Variants in PUSL1 observed in about 807,000 individuals in gnomAD.
The protein encoded by PUSL1 is pseudouridine synthase like 1, also known as tRNA pseudouridine synthase-like 1.
In PUSL1, 51 loss-of-function variants were observed where a neutral mutation model predicts 30.7. That is an observed-to-expected ratio of 1.66 (90% confidence interval 1.33 to 2.10). PUSL1 has a LOEUF of 2.10. PUSL1 is among the 30% of genes most tolerant of loss of function. PUSL1 has a pLI of 0.00. For missense variants in PUSL1, 609 were observed against 427.6 expected (o/e 1.42, Z -3.74); for synonymous variants, 290 against 192.1 (o/e 1.51, Z -4.21).
In PUSL1 at chr1:1,311,669, C is replaced by A; in HGVS notation, c.*290C>A. The A allele has an allele frequency of 1.4e-6, 1 of 719,882 alleles. No individual in the cohort carries two copies. The allele number at this position is 719,882 out of a possible 1,614,324, so 44.6% of individuals were successfully genotyped here. A position where few individuals can be genotyped will look rare whatever the true frequency, so the allele number is the denominator to read the frequency against. On this transcript the variant is annotated 3_prime_UTR_variant, in exon 8 of 8. Coordinates refer to ENST00000379031, the MANE Select transcript of PUSL1 (RefSeq NM_153339.3). ...GCCCTAACCAGGAATAAAGGCAAGA[C>A]AGCCTGGAGACCAGTTTGTTTCTTC...
Position 1,308,977 on chromosome 1 carries a change from G to T in PUSL1, c.135+5G>T, listed in dbSNP as rs1641927016. On this transcript the variant is annotated splice_donor_5th_base_variant and intron_variant, in intron 2 of 7. Coordinates refer to ENST00000379031, the MANE Select transcript of PUSL1 (RefSeq NM_153339.3). Reference sequence around the variant, plus strand: ...GGGGTCCAGAACTACCTGGAGGTGCGCTCAGCCGGTCACGGGACGCCCGGT... The same window carrying T: ...GGGGTCCAGAACTACCTGGAGGTGCTCTCAGCCGGTCACGGGACGCCCGGT... 7.1e-7 allele frequency: 1 copy of T among 1,411,168 alleles called. No individual in the cohort carries two copies. Among genetic ancestry groups the T allele is most frequent in the Non-Finnish European group, 9.2e-7 (1 of 1,086,640 alleles). The allele number at this position is 1,411,168 out of a possible 1,614,324, so 87.4% of individuals were successfully genotyped here. A position where few individuals can be genotyped will look rare whatever the true frequency, so the allele number is the denominator to read the frequency against.
In PUSL1 at chr1:1,309,474, T is replaced by C; in HGVS notation, c.344T>C (p.Val115Ala). 6.2e-7 allele frequency: 1 copy of C among 1,605,554 alleles called. No homozygotes were observed. The highest frequency in any genetic ancestry group is 8.5e-7 in the Non-Finnish European group (1 of 1,176,642). ...PAIRVLRAFR[V>A]PSDFHARHAA... ...CATAGGGTCCTGCGGGCCTTCCGAG[T>C]GCCCAGCGACTTCCACGCTCGTCAC... The change falls in exon 4 of 8, where the codon GTG (valine) becomes GCG (alanine). Residue 115 changes from valine to alanine, a missense_variant. Coordinates refer to ENST00000379031, the MANE Select transcript of PUSL1 (RefSeq NM_153339.3).
At chr1:1,311,308 G>C (rs761181847) in intron 7 of PUSL1, 22 bp from the exon 8 acceptor site, 1 of 1,535,260 alleles carries the variant, frequency 6.5e-7, no homozygotes, top group Admixed American at 1.9e-5. Flanking sequence ...CCAGGCTGAC[G>C]CAGGGTCTGG....
Position 1,311,341 on chromosome 1 carries a change from T to A in PUSL1, c.874T>A (p.Cys292Ser). The change falls in exon 8 of 8, where the codon TGC becomes AGC. Residue 292 changes from cysteine (C) to serine (S), a missense_variant. Cys to Ser is a moderately radical substitution (Grantham distance 112, BLOSUM62 -1). Transcript: ENST00000379031. ...VLYGNLGAAS[C>S]TLQGPQFGSH... ...TGGTCCGTCCACAGGTGCTGCCTCC[T>A]GCACCCTGCAGGGGCCACAGTTCGG... The A allele has an allele frequency of 6.3e-7, 1 of 1,587,540 alleles. No individual in the cohort carries two copies. The highest frequency in any genetic ancestry group is 1.1e-5 in the South Asian group (1 of 88,162).
At position 1,309,645 on chromosome 1, in the gene PUSL1, G is replaced by A. The variant is rs760957291; in HGVS notation, c.474-36G>A. On this transcript the variant is annotated intron_variant, in intron 4 of 7. Coordinates refer to ENST00000379031, the MANE Select transcript of PUSL1 (RefSeq NM_153339.3). ...CAGCGGGGAGGGGGCGGGCAGGCCG[G>A]CCCCACCCTCCTGACGGTCACCCTG... The A allele has an allele frequency of 3.1e-6, 5 of 1,596,628 alleles. No homozygotes were observed. In the South Asian group the frequency reaches 3.3e-5, roughly 11 times the overall value.
rs756473143 is a variant in PUSL1 at position 1,309,602 on chromosome 1, G to T, written c.472G>T (p.Asp158Tyr). ...ERNLCWTLPA[D>Y]CLDMVAMQEA... Reference sequence around the variant, plus strand: ...CAACCTATGCTGGACTCTCCCGGCAGAGTGAGTGTGGCCCTGACAGCGGGG... The same window carrying T: ...CAACCTATGCTGGACTCTCCCGGCATAGTGAGTGTGGCCCTGACAGCGGGG... Residue 158 changes from aspartate to tyrosine, a missense_variant and splice_region_variant, in exon 4 of 8, where the codon GAC becomes TAC. By Grantham distance (160) the Asp-to-Tyr change is radical. Coordinates refer to ENST00000379031, the MANE Select transcript of PUSL1 (RefSeq NM_153339.3). The T allele has an allele frequency of 1.9e-5, 30 of 1,609,206 alleles. No individual in the cohort carries two copies. The highest frequency in any genetic ancestry group is 6.7e-5 in the Admixed American group (4 of 59,914).
chr1:1,311,517 C>G lies in PUSL1; in HGVS notation c.*138C>G, dbSNP rs1027429064. 1.1e-6 allele frequency: 1 copy of G among 902,160 alleles called. No individual in the cohort carries two copies. The highest frequency in any genetic ancestry group is 1.8e-6 in the Non-Finnish European group (1 of 566,946). 55.9% of individuals were successfully genotyped at this position (902,160 alleles called of 1,614,324 possible). ...AGCCTCCCTGCCCGGGTCCCAGCAC[C>G]CTGGATGCCCGTCTCTGTCCCAGGC... On this transcript the variant is annotated 3_prime_UTR_variant, in exon 8 of 8. Transcript: ENST00000379031.
chr1:1,311,144 G>T, intron 7 of PUSL1, 73 bp downstream of exon 7: 1 of 1,529,506 alleles, frequency 6.5e-7, no homozygotes, highest in Non-Finnish European at 8.8e-7. Context: ...GGGGTGGGGG[G>T]CCAGGGGCCA....
At chr1:1,309,334 G>T in intron 3 of PUSL1, 61 bp downstream of exon 3, 3 of 1,447,310 alleles carry the variant, frequency 2.1e-6, no homozygotes, top group Non-Finnish European at 2.8e-6. Context: ...TGTCGCGGGC[G>T]GAGGCTGGAG....
chr1:1,311,677 A>T lies in PUSL1; in HGVS notation c.*298A>T. The T allele has an allele frequency of 4.2e-6, 3 of 722,012 alleles. No homozygotes were observed. The highest frequency in any genetic ancestry group is 7.3e-6 in the Non-Finnish European group (3 of 412,442). 44.7% of individuals were successfully genotyped at this position (722,012 alleles called of 1,614,324 possible). ...CAGGAATAAAGGCAAGACAGCCTGG[A>T]GACCAGTTTGTTTCTTCAGCTGCAA... On this transcript the variant is annotated 3_prime_UTR_variant, in exon 8 of 8. Coordinates refer to ENST00000379031, the MANE Select transcript of PUSL1 (RefSeq NM_153339.3).
At chr1:1,310,720 G>A (rs1468060731) in intron 6 of PUSL1, 32 bp downstream of exon 6, 6 of 1,610,120 alleles carry the variant, frequency 3.7e-6, no homozygotes, top group Non-Finnish European at 5.1e-6. Flanking sequence ...TCCCCAGGGG[G>A]TGGGGCTGAG....
Position 1,308,989 on chromosome 1 carries a change from A to G in PUSL1, c.135+17A>G, listed in dbSNP as rs772784356. On this transcript the variant is annotated intron_variant, in intron 2 of 7. Transcript: ENST00000379031. Reference sequence around the variant, plus strand: ...TACCTGGAGGTGCGCTCAGCCGGTCACGGGACGCCCGGTGAGGGGTAAGGG... The same window carrying G: ...TACCTGGAGGTGCGCTCAGCCGGTCGCGGGACGCCCGGTGAGGGGTAAGGG... The G allele has an allele frequency of 1.4e-6, 2 of 1,403,518 alleles. No homozygotes were observed. Among genetic ancestry groups the G allele is most frequent in the Middle Eastern group, 2.6e-4 (1 of 3,860 alleles). The allele number at this position is 1,403,518 out of a possible 1,614,324, so 86.9% of individuals were successfully genotyped here.
At position 1,311,603 on chromosome 1, in the gene PUSL1, TTTG is replaced by T. The variant is rs1415753595; in HGVS notation, c.*227_*229del. Reference sequence around the variant, plus strand: ...CCAAGAAGAGAGTACCAAGTAGTCTTTTGTTCAGCTTTTACTGGAAACTGCTGT... The same window carrying T: ...CCAAGAAGAGAGTACCAAGTAGTCTTTTCAGCTTTTACTGGAAACTGCTGT... On this transcript the variant is annotated 3_prime_UTR_variant, in exon 8 of 8. Transcript: ENST00000379031. The T allele has an allele frequency of 2.8e-6, 2 of 715,664 alleles. No individual in the cohort carries two copies. Among genetic ancestry groups the T allele is most frequent in the African/African-American group, 3.5e-5 (2 of 57,436 alleles). 44.3% of individuals were successfully genotyped at this position (715,664 alleles called of 1,614,324 possible).
chr1:1,309,317 C>G (rs763910809), intron 3 of PUSL1, 44 bp downstream of exon 3: 3 of 1,450,002 alleles, frequency 2.1e-6, no homozygotes, highest in Admixed American at 2.3e-5. Flanking sequence ...GCCTTCCCGA[C>G]TCCATCTGTC....
chr1:1,311,611 G>C lies in PUSL1; in HGVS notation c.*232G>C. ...AGAGTACCAAGTAGTCTTTTGTTCA[G>C]CTTTTACTGGAAACTGCTGTCTAGG... On this transcript the variant is annotated 3_prime_UTR_variant, in exon 8 of 8. Transcript: ENST00000379031. The C allele has an allele frequency of 1.4e-6, 1 of 715,230 alleles. No homozygotes were observed. Among genetic ancestry groups the C allele is most frequent in the Non-Finnish European group, 2.5e-6 (1 of 397,534 alleles). The allele number at this position is 715,230 out of a possible 1,614,324, so 44.3% of individuals were successfully genotyped here. A position where few individuals can be genotyped will look rare whatever the true frequency, so the allele number is the denominator to read the frequency against.
chr1:1,308,640 CGCCATGAGTTCGGCGCCG>C lies in PUSL1; in HGVS notation c.1_18del (p.MetSerSerAlaProAla1_?6). The C allele has an allele frequency of 1.3e-6, 2 of 1,507,946 alleles. No homozygotes were observed. Among genetic ancestry groups the C allele is most frequent in the Non-Finnish European group, 1.8e-6 (2 of 1,131,218 alleles). 93.4% of individuals were successfully genotyped at this position (1,507,946 alleles called of 1,614,324 possible). A position where few individuals can be genotyped will look rare whatever the true frequency, so the allele number is the denominator to read the frequency against. On this transcript the variant is annotated start_lost and 5_prime_UTR_variant, in exon 1 of 8. Coordinates refer to ENST00000379031, the MANE Select transcript of PUSL1 (RefSeq NM_153339.3). ...GCCTCTGACGCCACCGGCTGGGCTC[CGCCATGAGTTCGGCGCCG>C]GCCTCAGGCTCCGTGCGCGCGCGCT...
chr1:1,310,212 C>T (rs1642044485), intron 5 of PUSL1: 4 of 351,488 alleles, frequency 1.1e-5, no homozygotes, highest in Admixed American at 4.4e-5. Flanking sequence ...AGCTTCTGAC[C>T]AGAACCTCCC....
chr1:1,310,246 G>T (rs973735619), intron 5 of PUSL1: 2 of 343,038 alleles, frequency 5.8e-6, no homozygotes, highest in African/African-American at 2.1e-5. Context: ...CCCTGAAGGG[G>T]GGAAGAACTT....
At chr1:1,309,375 C>A (rs1313856543) in intron 3 of PUSL1, 79 bp from the exon 4 acceptor site, 3 of 1,489,590 alleles carry the variant, frequency 2.0e-6, no homozygotes, top group Admixed American at 4.0e-5. Context: ...CTGGTCGGAG[C>A]TCGAGGGGGA....
Sources: allele counts gnomAD v4.1 joint callset, GRCh38; gene constraint gnomAD v4.1.1; transcripts MANE v1.5; gene names NCBI Gene and HGNC (gene_info 2026-07-23, HGNC 2026-07-21).